The following ARMC6 variants were observed in gnomAD, a reference collection of about 807,000 sequenced individuals.
The protein encoded by ARMC6 is armadillo repeat-containing protein 6.
In ARMC6, 43 loss-of-function variants were observed where a neutral mutation model predicts 49.2. The observed-to-expected ratio is 0.87, with a 90% CI of 0.69 to 1.13. The LOEUF (loss-of-function observed/expected upper bound fraction) is 1.13, where lower values mean the gene tolerates loss of function less well. ARMC6 is among the 50% of genes most tolerant of loss of function. The pLI, the probability that ARMC6 is intolerant of heterozygous loss-of-function variation, is 0.00. For missense variants in ARMC6, 627 were observed against 682.0 expected, an observed-to-expected ratio of 0.92 and a Z score of 0.90; for synonymous variants, 262 against 289.6, an observed-to-expected ratio of 0.90 and a Z score of 0.97.
At chr19:19,037,027 A>T (rs1246011473) in intron 2 of ARMC6, among the ~76,000 whole-genome samples, 1 of 152,170 alleles carries the variant, frequency 6.6e-6, no homozygotes, top group Non-Finnish European at 1.5e-5. Context: ...CTCTACTAAA[A>T]ATACGAAAAT....
Position 19,054,257 on chromosome 19 carries a change from G to A in ARMC6, c.959G>A (p.Ser320Asn), listed in dbSNP as rs367708399. ...GAGGTCGTCGACCTCGGGGGCCTGA[G>A]CATTCTGGTGTCCCTGCTAGCCGAC... ...CQEVVDLGGL[S>N]ILVSLLADCN... Residue 320 changes from serine to asparagine, a missense_variant, in exon 6 of 9, where the codon AGC (serine) becomes AAC (asparagine). Transcript: ENST00000535612. The A allele has an allele frequency of 1.6e-5, 26 of 1,611,828 alleles. No individual in the cohort carries two copies. Among genetic ancestry groups the A allele is most frequent in the Non-Finnish European group, 2.1e-5 (25 of 1,179,026 alleles).
intron 2 of ARMC6, 33 bp downstream of exon 2, chr19:19,034,271 G>C: frequency 6.3e-7 from 1 of 1,589,452 alleles, no homozygotes; most frequent in Non-Finnish European, 8.5e-7. Context: ...AGAGTGATGG[G>C]ACGGGAAAGC....
rs547392418 is a variant in ARMC6 at position 19,035,523 on chromosome 19, C to T, written c.29+1285C>T. ...ATGTGTTCCAAATCTGTACTTTCCT[C>T]CTCCAACTCAGCCCTGTACCAGATC... On this transcript the variant is annotated intron_variant, in intron 2 of 8. Coordinates refer to ENST00000535612, the MANE Select transcript of ARMC6 (RefSeq NM_001199196.2). Among the ~76,000 whole-genome samples the T allele has an allele frequency of 9.2e-5, 14 of 152,360 alleles. No homozygotes were observed. The East Asian group carries it at 2.5e-3, about 27-fold the overall frequency.
intron 4 of ARMC6, among the ~76,000 whole-genome samples, chr19:19,046,296 A>G (rs1568491902): frequency 1.3e-5 from 2 of 151,816 alleles, no homozygotes; most frequent in Non-Finnish European, 2.9e-5. Flanking sequence ...TCCCAGGTTC[A>G]TGCCATTCTC....
Position 19,057,697 on chromosome 19 carries a change from C to G in ARMC6, c.*69C>G, listed in dbSNP as rs1434090996. On this transcript the variant is annotated 3_prime_UTR_variant, in exon 9 of 9. Coordinates refer to ENST00000535612, the MANE Select transcript of ARMC6 (RefSeq NM_001199196.2). ...CTCAGGAATGGGGGTAGATCCATGTCCTCCACTGTCCCCCATTAGTTCTGT... is the reference window on the plus strand; with the variant it reads ...CTCAGGAATGGGGGTAGATCCATGTGCTCCACTGTCCCCCATTAGTTCTGT... 11 of 1,440,382 alleles carry G rather than the reference C, an allele frequency of 7.6e-6. No homozygotes were observed. Among genetic ancestry groups the G allele is most frequent in the Non-Finnish European group, 1.1e-5 (11 of 1,033,950 alleles). 89.2% of individuals were successfully genotyped at this position (1,440,382 alleles called of 1,614,324 possible).
At chr19:19,036,911 C>T (rs903015595) in intron 2 of ARMC6, among the ~76,000 whole-genome samples, 4 of 152,174 alleles carry the variant, frequency 2.6e-5, no homozygotes, top group Non-Finnish European at 4.4e-5. Context: ...TCTGGCTGGG[C>T]GTGGTGGCTC....
chr19:19,040,069 G>A (rs1418579690), intron 2 of ARMC6, among the ~76,000 whole-genome samples: 1 of 152,234 alleles, frequency 6.6e-6, no homozygotes, highest in Non-Finnish European at 1.5e-5. Context: ...AATGGCTTCT[G>A]TACTAGGCAG....
chr19:19,055,256 C>T lies in ARMC6; in HGVS notation c.1024-9C>T, dbSNP rs1307869943. 3 of 1,586,994 alleles carry T rather than the reference C, an allele frequency of 1.9e-6. No homozygotes were observed. The highest frequency in any genetic ancestry group is 2.6e-6 in the Non-Finnish European group (3 of 1,166,914). On this transcript the variant is annotated splice_polypyrimidine_tract_variant and intron_variant, in intron 6 of 8. Coordinates refer to ENST00000535612, the MANE Select transcript of ARMC6 (RefSeq NM_001199196.2). This position sits in a 1 kb window ranked among gnomAD's most constrained non-coding sequence, Gnocchi z 5.7. ...TGGCTGGAGGTGAGCGGGCCTTTCC[C>T]TTGTGCAGGAGCTCGTGAAGCAAGT...
intron 2 of ARMC6, among the ~76,000 whole-genome samples, chr19:19,041,439 C>T (rs915385175): frequency 1.3e-5 from 2 of 151,958 alleles, no homozygotes; most frequent in African/African-American, 4.8e-5. Flanking sequence ...ACCTCTGCCT[C>T]CTGGGTTCAA....
chr19:19,055,409 G>C lies in ARMC6; in HGVS notation c.1155+13G>C. 2 of 1,592,090 alleles carry C rather than the reference G, an allele frequency of 1.3e-6. No homozygotes were observed. Among genetic ancestry groups the C allele is most frequent in the Non-Finnish European group, 1.7e-6 (2 of 1,169,832 alleles). The stretch of plus-strand genomic sequence containing the variant: ...GACCAGCCCCCAGGTACCCACCTCG[G>C]GGGGCACACACAGTAGCAGGGTGGT... On this transcript the variant is annotated intron_variant, in intron 7 of 8. Transcript: ENST00000535612. The surrounding 1 kb of genome is among the most constrained non-coding windows in gnomAD (Gnocchi z 5.7).
chr19:19,036,075 T>A (rs987780579), intron 2 of ARMC6, among the ~76,000 whole-genome samples: 2 of 152,128 alleles, frequency 1.3e-5, no homozygotes, highest in African/African-American at 4.8e-5. Context: ...TTTGTTTTAT[T>A]TTTTGAGATA....
intron 8 of ARMC6, among the ~76,000 whole-genome samples, chr19:19,056,185 T>C (rs1472478434): frequency 6.6e-5 from 10 of 152,144 alleles, no homozygotes; most frequent in Admixed American, 4.6e-4. Context: ...CTCTCCTTTT[T>C]TGGGGAGGGG....
intron 5 of ARMC6, 92 bp downstream of exon 5, chr19:19,052,287 A>C (rs1599647336): frequency 8.0e-7 from 1 of 1,244,400 alleles, no homozygotes; most frequent in Non-Finnish European, 1.1e-6. Flanking sequence ...TGCTTTAGGC[A>C]CGGCAGGCTC....
At chr19:19,043,066 C>T (rs2059422895) in intron 3 of ARMC6, among the ~76,000 whole-genome samples, 189 bp downstream of exon 3, 1 of 152,232 alleles carries the variant, frequency 6.6e-6, no homozygotes, top group Non-Finnish European at 1.5e-5. Flanking sequence ...CACCTGCTTC[C>T]ACCTCGCCCA....
At chr19:19,049,580 TA>T (rs1186897374) in intron 4 of ARMC6, among the ~76,000 whole-genome samples, 1 of 152,224 alleles carries the variant, frequency 6.6e-6, no homozygotes, top group African/African-American at 2.4e-5. Context: ...TCAGTGTCAT[TA>T]AGTACATTCA....
At chr19:19,050,700 T>C (rs900863800) in intron 4 of ARMC6, among the ~76,000 whole-genome samples, 1 of 152,238 alleles carries the variant, frequency 6.6e-6, no homozygotes, top group Non-Finnish European at 1.5e-5. Flanking sequence ...AAAACTTACC[T>C]TTTTAAATAT....
rs768973848 is a variant in ARMC6, at chr19:19,055,351, G to A, written c.1110G>A (p.Thr370=). Residue 370 remains threonine (T), a synonymous_variant, in exon 7 of 9, where the codon ACG becomes ACA. Coordinates refer to ENST00000535612, the MANE Select transcript of ARMC6 (RefSeq NM_001199196.2). This position sits in a 1 kb window ranked among gnomAD's most constrained non-coding sequence, Gnocchi z 5.7. ...ATGCTATTGTCCGTGCTGGTGGGAC[G>A]GAGTCCATCGTGGCTGCTATGACCC... is the stretch of plus-strand genomic sequence containing the variant. ...VKDAIVRAGG[T]ESIVAAMTQH... The A allele has an allele frequency of 2.5e-6, 4 of 1,613,044 alleles. No individual in the cohort carries two copies. The highest frequency in any genetic ancestry group is 1.7e-5 in the Admixed American group (1 of 59,882).
chr19:19,043,929 CGGGG>C, intron 3 of ARMC6, 59 bp from the exon 4 acceptor site: 1 of 1,502,522 alleles, frequency 6.7e-7, no homozygotes, highest in Non-Finnish European at 9.3e-7. Context: ...AGCAGGCCCA[CGGGG>C]ATGACAGCTG....
intron 4 of ARMC6, among the ~76,000 whole-genome samples, chr19:19,047,792 A>G (rs2059463461): frequency 6.6e-6 from 1 of 152,208 alleles, no homozygotes; most frequent in African/African-American, 2.4e-5. Context: ...TGGTCGGGCT[A>G]CAGCTTGGTT....
Sources: gnomAD v4.1 joint callset for allele counts (sites outside exome capture counted in the v4.1 genomes callset) on GRCh38, gnomAD v4.1.1 for gene constraint, Gnocchi (gnomAD v3.1) non-coding constraint, MANE v1.5 for transcripts, NCBI Gene and HGNC (gene_info 2026-07-23, HGNC 2026-07-21) for gene names.